Variants in ZNF277 observed in about 807,000 individuals in gnomAD.
ZNF277 encodes the protein nuclear receptor-interacting factor 4.
In ZNF277, 55 loss-of-function variants were observed where a neutral mutation model predicts 60.7. The observed-to-expected ratio is 0.91, with a 90% CI of 0.73 to 1.13. The LOEUF (loss-of-function observed/expected upper bound fraction) is 1.13. Among genes scored for constraint, ZNF277 ranks in the 50% most tolerant of loss-of-function variants. ZNF277 has a pLI of 0.00. For missense variants in ZNF277, 510 were observed against 523.0 expected (o/e 0.98, Z 0.24); for synonymous variants, 178 against 179.3 (o/e 0.99, Z 0.06).
At chr7:112,212,168 A>G (rs1046160723) in intron 1 of ZNF277, among the ~76,000 whole-genome samples, 5 of 152,216 alleles carry the variant, frequency 3.3e-5, no homozygotes, top group African/African-American at 1.2e-4. Flanking sequence ...TAATAATTAC[A>G]TTTTTTAAAA....
chr7:112,337,961 G>A (rs62473145), intron 9 of ZNF277, 135 bp downstream of exon 9: 24,188 of 670,270 alleles, frequency 0.036, 944 homozygotes, highest in African/African-American at 0.15. Flanking sequence ...GGTCTGTCAG[G>A]GAGAACCAGA....
Position 112,206,708 on chromosome 7 carries a change from T to C in ZNF277, c.-9T>C, listed in dbSNP as rs1212252891. ...CCCTGCGGCCCTCCCTTTTCTTTTC[T>C]GCCGGGTAATGGCTGCTTCCAAGAC... is the stretch of plus-strand genomic sequence containing the variant. On this transcript the variant is annotated 5_prime_UTR_variant, in exon 1 of 12. Transcript: ENST00000361822. The C allele has an allele frequency of 3.1e-6, 5 of 1,612,896 alleles. No homozygotes were observed. In the Admixed American group the frequency reaches 5.0e-5, roughly 16 times the overall value.
intron 4 of ZNF277, among the ~76,000 whole-genome samples, chr7:112,309,668 C>A (rs1584399138): frequency 6.6e-6 from 1 of 151,826 alleles, no homozygotes. Flanking sequence ...CCTAGACAGG[C>A]CAAACTTCAC....
chr7:112,328,044 A>G (rs1187551490), intron 6 of ZNF277: 1 of 409,354 alleles, frequency 2.4e-6, no homozygotes, highest in Non-Finnish European at 4.3e-6. Context: ...TATACCAAAC[A>G]ATATACATAT....
chr7:112,342,551 T>C lies in ZNF277; in HGVS notation c.1185-10T>C, dbSNP rs753239362. On this transcript the variant is annotated splice_polypyrimidine_tract_variant and intron_variant, in intron 11 of 11. Transcript: ENST00000361822. ...GTAATTTAATACTATGTATCTGTGG[T>C]TGTTTTCAGGTATTATTTTCCAACC... The C allele has an allele frequency of 4.4e-6, 7 of 1,599,190 alleles. No individual in the cohort carries two copies. The East Asian group carries it at 1.4e-4, about 31-fold the overall frequency.
At chr7:112,238,916 T>C (rs1351570886) in intron 1 of ZNF277, among the ~76,000 whole-genome samples, 1 of 152,002 alleles carries the variant, frequency 6.6e-6, no homozygotes, top group Admixed American at 6.6e-5. Context: ...CCCGACCTCA[T>C]CCGGATGACA....
At chr7:112,282,926 T>C (rs1791980953) in intron 1 of ZNF277, among the ~76,000 whole-genome samples, 1 of 152,146 alleles carries the variant, frequency 6.6e-6, no homozygotes, top group Admixed American at 6.5e-5. Context: ...AGGGTTATTG[T>C]GAGGGTTAAT....
chr7:112,211,287 C>A (rs1206763756), intron 1 of ZNF277, among the ~76,000 whole-genome samples: 1 of 152,160 alleles, frequency 6.6e-6, no homozygotes, highest in Non-Finnish European at 1.5e-5. Context: ...CCTAACTCGC[C>A]CTCAGGTACT....
chr7:112,280,188 C>T (rs1488225688), intron 1 of ZNF277, among the ~76,000 whole-genome samples: 1 of 152,072 alleles, frequency 6.6e-6, no homozygotes, highest in Non-Finnish European at 1.5e-5. Flanking sequence ...GCAACAGGAG[C>T]TTTGAATGGC....
chr7:112,312,028 T>A (rs902795022), intron 4 of ZNF277, among the ~76,000 whole-genome samples: 1 of 152,088 alleles, frequency 6.6e-6, no homozygotes, highest in African/African-American at 2.4e-5. Context: ...ACACAGCAAC[T>A]CCATTCAACA....
intron 6 of ZNF277, among the ~76,000 whole-genome samples, chr7:112,329,191 T>G (rs1793170360): frequency 6.6e-6 from 1 of 152,180 alleles, no homozygotes; most frequent in South Asian, 2.1e-4. Flanking sequence ...AATTCAAAAT[T>G]GAAACAATAA....
chr7:112,298,472 G>A (rs1013267298), intron 4 of ZNF277, among the ~76,000 whole-genome samples: 9 of 152,220 alleles, frequency 5.9e-5, no homozygotes, highest in South Asian at 4.1e-4. Context: ...TTTATGGGGA[G>A]GAGTATGAGA....
At position 112,320,500 on chromosome 7, in the gene ZNF277, G is replaced by T. The variant is rs556112017; in HGVS notation, c.557+2227G>T. On this transcript the variant is annotated intron_variant, in intron 5 of 11. Transcript: ENST00000361822. Reference sequence around the variant, plus strand: ...AGGCATACATTTGTGTACGCCTTGGGACATAAATATGGAATATTTGTGTAT... The same window carrying T: ...AGGCATACATTTGTGTACGCCTTGGTACATAAATATGGAATATTTGTGTAT... Among the ~76,000 whole-genome samples, 5 of 152,198 alleles carry T rather than the reference G, an allele frequency of 3.3e-5. No homozygotes were observed. The South Asian group carries it at 1.0e-3, about 32-fold the overall frequency.
chr7:112,283,718 C>A lies in ZNF277; in HGVS notation c.92-3155C>A, dbSNP rs79227164. On this transcript the variant is annotated intron_variant, in intron 1 of 11. Coordinates refer to ENST00000361822, the MANE Select transcript of ZNF277 (RefSeq NM_021994.3). ...AAAGAGAAACTGAGCATTAGACATA[C>A]AAAAGGGAAAAACAAGTGAACCACA... is the stretch of plus-strand genomic sequence containing the variant. 9.6e-4 allele frequency among the ~76,000 whole-genome samples: 146 copies of A among 152,020 alleles called. 2 individuals carry two copies. The East Asian group carries it at 0.019, about 20-fold the overall frequency.
intron 10 of ZNF277, among the ~76,000 whole-genome samples, chr7:112,340,116 T>C (rs909906741): frequency 1.3e-5 from 2 of 151,712 alleles, no homozygotes; most frequent in Non-Finnish European, 2.9e-5. Flanking sequence ...ATATGAGTGC[T>C]TCAAGTGAAA....
At chr7:112,275,553 C>CATATAT (rs1791772334) in intron 1 of ZNF277, among the ~76,000 whole-genome samples, 1 of 151,924 alleles carries the variant, frequency 6.6e-6, no homozygotes, top group South Asian at 2.1e-4. Flanking sequence ...TGTTTTAAAG[C>CATATAT]GTATTTTTTA....
intron 10 of ZNF277, 152 bp from the exon 11 acceptor site, chr7:112,340,720 C>T (rs1793426731): frequency 1.6e-6 from 1 of 611,332 alleles, no homozygotes; most frequent in Admixed American, 3.5e-5. Context: ...TAAATATGTG[C>T]TGTTATTATT....
chr7:112,288,615 A>C (rs1170798613), intron 2 of ZNF277: 1 of 152,504 alleles, frequency 6.6e-6, no homozygotes, highest in Non-Finnish European at 1.5e-5. Flanking sequence ...TACATAAAAC[A>C]AAGTATGGAA....
intron 2 of ZNF277, among the ~76,000 whole-genome samples, chr7:112,294,671 A>T (rs1305582498): frequency 1.3e-5 from 2 of 152,066 alleles, no homozygotes; most frequent in Non-Finnish European, 2.9e-5. Flanking sequence ...GTGTATTTTT[A>T]TTTGATGTCA....
Sources: allele counts gnomAD v4.1 joint callset (sites outside exome capture counted in the v4.1 genomes callset), GRCh38; gene constraint gnomAD v4.1.1; transcripts MANE v1.5; gene names NCBI Gene and HGNC (gene_info 2026-07-23, HGNC 2026-07-21).